The following CFAP43 variants were observed in gnomAD, a reference collection of about 807,000 sequenced individuals.
CFAP43 encodes the protein cilia- and flagella-associated protein 43.
A neutral mutation model predicts 218.9 loss-of-function variants in CFAP43; 155 were observed. The observed-to-expected ratio is 0.71, with a 90% CI of 0.62 to 0.81. The LOEUF (loss-of-function observed/expected upper bound fraction) is 0.81, where lower values mean the gene tolerates loss of function less well. Ranked by LOEUF, CFAP43 falls within the 30% of genes least tolerant of loss-of-function variation. The pLI, the probability that CFAP43 is intolerant of heterozygous loss-of-function variation, is 0.00. For synonymous variants in CFAP43, 645 were observed against 681.3 expected, an observed-to-expected ratio of 0.95 and a Z score of 0.83; for missense variants, 1,778 against 1,954.3, an observed-to-expected ratio of 0.91 and a Z score of 1.70.
intron 9 of CFAP43, 136 bp downstream of exon 9, chr10:104,197,786 G>A (rs2090420020): frequency 1.7e-6 from 1 of 595,172 alleles, no homozygotes; most frequent in African/African-American, 1.9e-5. Context: ...AGTCTTCAAG[G>A]ACAGCCTCTG....
Position 104,207,712 on chromosome 10 carries a change from G to C in CFAP43, c.848C>G (p.Thr283Ser), listed in dbSNP as rs148164495. The C allele has an allele frequency of 6.2e-7, 1 of 1,613,958 alleles. No homozygotes were observed. Among genetic ancestry groups the C allele is most frequent in the African/African-American group, 1.3e-5 (1 of 74,922 alleles). ...EGHLLMINGD[T>S]LQVTVLNKIE... ...CTTATTAAGTACAGTCACTTGCAAG[G>C]TGTCTCCATTAATCATTAAAAGATG... is the stretch of plus-strand genomic sequence containing the variant. Residue 283 changes from threonine to serine, a missense_variant, in exon 6 of 38, where the codon ACC becomes AGC. By Grantham distance (58) the Thr-to-Ser change is moderately conservative. Transcript: ENST00000357060.
chr10:104,151,316 CCATA>C (rs1291373367), intron 28 of CFAP43, among the ~76,000 whole-genome samples: 8 of 152,180 alleles, frequency 5.3e-5, no homozygotes, highest in African/African-American at 1.7e-4. Context: ...TGAGGAATTG[CCATA>C]CCGCTTTCCA....
In CFAP43 at chr10:104,187,311, T is replaced by C. The variant is rs1456209558; in HGVS notation, c.1860+9A>G. The C allele has an allele frequency of 5.0e-6, 8 of 1,592,640 alleles. No homozygotes were observed. Among genetic ancestry groups the C allele is most frequent in the African/African-American group, 1.4e-5 (1 of 73,738 alleles). ...AGATAAATGAGAGCACACTTAAGTG[T>C]TGACATACTTCTTCAGGAAGAAGGT... On this transcript the variant is annotated intron_variant, in intron 14 of 37. Coordinates refer to ENST00000357060, the MANE Select transcript of CFAP43 (RefSeq NM_025145.7).
intron 3 of CFAP43, among the ~76,000 whole-genome samples, chr10:104,223,885 T>C (rs143903119): frequency 6.6e-6 from 1 of 152,324 alleles, no homozygotes; most frequent in East Asian, 1.9e-4. Context: ...AAAATAATTA[T>C]GTTGCATGAA....
At chr10:104,136,258 CAA>C (rs368792618) in intron 34 of CFAP43, among the ~76,000 whole-genome samples, 1 of 86,002 alleles carries the variant, frequency 1.2e-5, no homozygotes, top group African/African-American at 5.4e-5. Flanking sequence ...TTCTCCATTT[CAA>C]AAAAAAAAAA....
At chr10:104,227,076 C>T (rs1219843156) in intron 2 of CFAP43, among the ~76,000 whole-genome samples, 1 of 151,972 alleles carries the variant, frequency 6.6e-6, no homozygotes, top group African/African-American at 2.4e-5. Flanking sequence ...CATAGTGTTG[C>T]CTCCTATTGG....
intron 19 of CFAP43, among the ~76,000 whole-genome samples, chr10:104,175,060 AAAAC>A (rs143922332): frequency 0.11 from 16,999 of 148,588 alleles, 2,505 homozygotes; most frequent in African/African-American, 0.34. Flanking sequence ...GACTCCATCT[AAAAC>A]AAACAAACAA....
rs201707026 is a variant in CFAP43, at chr10:104,131,343, A to G, written c.4819T>C (p.Cys1607Arg). 1.2e-6 allele frequency: 2 copies of G among 1,610,762 alleles called. No homozygotes were observed. The highest frequency in any genetic ancestry group is 2.7e-5 in the African/African-American group (2 of 74,798). ...AAAGCATGCTTACCCATTGCATTACAGATGTCTTTTCTCTCTGAGACAGCT... is the reference window on the plus strand; with the variant it reads ...AAAGCATGCTTACCCATTGCATTACGGATGTCTTTTCTCTCTGAGACAGCT... ...LVAVSERKDICNAMGSKLTCE... is the reference protein window; with the variant it reads ...LVAVSERKDIRNAMGSKLTCE... Residue 1607 changes from cysteine to arginine, a missense_variant, in exon 37 of 38, where the codon TGT (cysteine) becomes CGT (arginine). Cys to Arg is a radical substitution (Grantham distance 180, BLOSUM62 -3). Around this residue, in one of 3 missense-constraint regions of CFAP43, gnomAD observed 211 missense variants for 230.6 expected, o/e 0.91. Coordinates refer to ENST00000357060, the MANE Select transcript of CFAP43 (RefSeq NM_025145.7).
chr10:104,231,018 G>T (rs1383427729), intron 1 of CFAP43, among the ~76,000 whole-genome samples, 175 bp from the exon 2 acceptor site: 1 of 152,080 alleles, frequency 6.6e-6, no homozygotes, highest in Non-Finnish European at 1.5e-5. Flanking sequence ...TTGAGTCAAT[G>T]AATTATAGAA....
rs1309552609 is a variant in CFAP43, at chr10:104,211,992, G to A, written c.735+15C>T. 1 of 1,609,360 alleles carries A rather than the reference G, an allele frequency of 6.2e-7. No individual in the cohort carries two copies. The highest frequency in any genetic ancestry group is 8.5e-7 in the Non-Finnish European group (1 of 1,177,056). On this transcript the variant is annotated intron_variant, in intron 5 of 37. Transcript: ENST00000357060. ...CAACCCATTAGGCAAACAGGAAGAG[G>A]TGCCAGGTAATTACCCGGAAAGTCT...
Position 104,146,352 on chromosome 10 carries a change from A to G in CFAP43, c.3769-3T>C, listed in dbSNP as rs746646431. ...CGAACAGCTTCTGAAGTCTGGCTCT[A>G]TAACAGCATCAGGAATAGTTGATTG... On this transcript the variant is annotated splice_polypyrimidine_tract_variant and splice_region_variant and intron_variant, in intron 29 of 37. Transcript: ENST00000357060. The G allele has an allele frequency of 2.8e-5, 45 of 1,612,464 alleles. No individual in the cohort carries two copies.
rs1249190175 is a variant in CFAP43, at chr10:104,185,954, T to C, written c.2010+20A>G. ...TCAATATATACACCCACAATATTTT[T>C]TTTTAAGAAAGCAGCTTACCAAAGT... On this transcript the variant is annotated intron_variant, in intron 15 of 37. Coordinates refer to ENST00000357060, the MANE Select transcript of CFAP43 (RefSeq NM_025145.7). 1.9e-6 allele frequency: 3 copies of C among 1,605,666 alleles called. No individual in the cohort carries two copies. Among genetic ancestry groups the C allele is most frequent in the African/African-American group, 2.7e-5 (2 of 74,278 alleles).
At chr10:104,155,886 G>A (rs946305197) in intron 27 of CFAP43, among the ~76,000 whole-genome samples, 8 of 151,852 alleles carry the variant, frequency 5.3e-5, no homozygotes, top group Non-Finnish European at 1.2e-4. Context: ...AGAATGACAG[G>A]AGATGAAATG....
chr10:104,205,497 AGCAAG>A (rs2090660588), intron 7 of CFAP43, among the ~76,000 whole-genome samples: 1 of 152,214 alleles, frequency 6.6e-6, no homozygotes, highest in Admixed American at 6.5e-5. Context: ...CCTGGCACAA[AGCAAG>A]CACCAAGTAA....
chr10:104,221,805 T>C (rs1050759979), intron 3 of CFAP43, among the ~76,000 whole-genome samples: 1 of 152,130 alleles, frequency 6.6e-6, no homozygotes, highest in Non-Finnish European at 1.5e-5. Context: ...AGGACCATCA[T>C]AGATGTCTCA....
At chr10:104,200,361 C>T (rs995582396) in intron 8 of CFAP43, among the ~76,000 whole-genome samples, 9 of 151,466 alleles carry the variant, frequency 5.9e-5, no homozygotes, top group Admixed American at 2.0e-4. Context: ...ACCCTCAGTT[C>T]GGTCCGGGAA....
At chr10:104,153,196 G>C (rs1279578161) in intron 27 of CFAP43, among the ~76,000 whole-genome samples, 3 of 152,078 alleles carry the variant, frequency 2.0e-5, no homozygotes, top group Non-Finnish European at 4.4e-5. Flanking sequence ...CTTGTTTTCT[G>C]TATGTTTTGT....
intron 5 of CFAP43, among the ~76,000 whole-genome samples, chr10:104,210,861 A>G (rs749136693): frequency 8.8e-5 from 11 of 125,576 alleles, no homozygotes; most frequent in Non-Finnish European, 1.3e-4. Flanking sequence ...CGTGATCTCG[A>G]CTCACTGCAA....
chr10:104,186,177 T>G (rs1455949541), intron 14 of CFAP43, 54 bp from the exon 15 acceptor site: 1 of 1,404,790 alleles, frequency 7.1e-7, no homozygotes, highest in Non-Finnish European at 9.4e-7. Flanking sequence ...AAACAGCACC[T>G]TTGGGTTTGC....
Sources: allele counts gnomAD v4.1 joint callset (sites outside exome capture counted in the v4.1 genomes callset), GRCh38; gene constraint gnomAD v4.1.1; regional missense constraint gnomAD v4.1.1; transcripts MANE v1.5; gene names NCBI Gene and HGNC (gene_info 2026-07-23, HGNC 2026-07-21).